MAPK10: variants seen among roughly 807,000 people sequenced by gnomAD.
MAPK10 encodes JNK3 alpha protein kinase.
In MAPK10, 25 loss-of-function variants were observed where a neutral mutation model predicts 59.3. The ratio of observed to expected loss-of-function variants is 0.42; its 90% CI spans 0.31 to 0.59. MAPK10 has a LOEUF of 0.59. MAPK10 is among the 20% of genes least tolerant of loss of function. The pLI, the probability that MAPK10 is intolerant of heterozygous loss-of-function variation, is 0.15. For missense variants in MAPK10, 351 were observed against 568.9 expected (o/e 0.62, Z 3.90); for synonymous variants, 190 against 200.5 (o/e 0.95, Z 0.44).
chr4:86,042,381 TA>T (rs1414125524), intron 11 of MAPK10, among the ~76,000 whole-genome samples: 1 of 152,216 alleles, frequency 6.6e-6, no homozygotes, highest in South Asian at 2.1e-4. Context: ...ATGCTGGGCT[TA>T]AAACCTAGAA....
chr4:86,243,082 G>T (rs2092851828), intron 2 of MAPK10, among the ~76,000 whole-genome samples: 1 of 152,140 alleles, frequency 6.6e-6, no homozygotes, highest in African/African-American at 2.4e-5. Flanking sequence ...TCCCCGTGTG[G>T]GTCTTCCTTC....
At chr4:86,459,636 C>CTAT (rs1751549620) in intron 1 of MAPK10, among the ~76,000 whole-genome samples, 1 of 152,128 alleles carries the variant, frequency 6.6e-6, no homozygotes, top group Admixed American at 6.5e-5. Flanking sequence ...AGATTGGAGA[C>CTAT]TATTATTCTA....
At chr4:86,293,830 G>C (rs2095290252) in intron 2 of MAPK10, among the ~76,000 whole-genome samples, 1 of 152,162 alleles carries the variant, frequency 6.6e-6, no homozygotes, top group African/African-American at 2.4e-5. Flanking sequence ...ACAGCACCAA[G>C]AGGATGGTGC....
chr4:86,568,913 A>C (rs1212049509), intron 1 of MAPK10, among the ~76,000 whole-genome samples: 1 of 152,020 alleles, frequency 6.6e-6, no homozygotes, highest in Non-Finnish European at 1.5e-5. Context: ...GCCTTCAAAA[A>C]AAATGCAACA....
intron 1 of MAPK10, among the ~76,000 whole-genome samples, chr4:86,527,916 CAT>C (rs1469352678): frequency 1.3e-5 from 2 of 152,074 alleles, no homozygotes; most frequent in African/African-American, 4.8e-5. Flanking sequence ...AATCAAATAC[CAT>C]ATGTTTTCAC....
chr4:86,256,910 G>A (rs553221110), intron 2 of MAPK10, among the ~76,000 whole-genome samples: 24 of 129,460 alleles, frequency 1.9e-4, no homozygotes, highest in African/African-American at 2.9e-4. Flanking sequence ...CCGCCATTGC[G>A]CCCGTCTAAT....
intron 1 of MAPK10, among the ~76,000 whole-genome samples, chr4:86,591,913 G>A (rs1237388553): frequency 1.3e-5 from 2 of 151,896 alleles, no homozygotes; most frequent in African/African-American, 4.8e-5. Context: ...GAATAATTAT[G>A]ATGTTATGTT....
intron 1 of MAPK10, among the ~76,000 whole-genome samples, chr4:86,550,492 A>C (rs900225939): frequency 6.6e-6 from 1 of 150,732 alleles, no homozygotes; most frequent in Non-Finnish European, 1.5e-5. Context: ...TGAGGTTAAG[A>C]GCTGGAGACC....
intron 2 of MAPK10, among the ~76,000 whole-genome samples, chr4:86,349,220 G>A (rs1009480798): frequency 6.6e-6 from 1 of 152,122 alleles, no homozygotes; most frequent in African/African-American, 2.4e-5. Context: ...TAAGATTATG[G>A]ACTCTCTGCC....
intron 2 of MAPK10, among the ~76,000 whole-genome samples, chr4:86,202,972 T>C (rs1265471326): frequency 6.6e-6 from 1 of 151,954 alleles, no homozygotes; most frequent in Non-Finnish European, 1.5e-5. Flanking sequence ...TTGTTTTTCC[T>C]GGTAGCATGG....
chr4:86,086,781 T>C (rs1278577772), intron 9 of MAPK10, among the ~76,000 whole-genome samples: 1 of 152,172 alleles, frequency 6.6e-6, no homozygotes, highest in Non-Finnish European at 1.5e-5. Context: ...TCATTTCTAA[T>C]AACAGAATTT....
At chr4:86,128,127 G>A (rs933285582) in intron 4 of MAPK10, among the ~76,000 whole-genome samples, 10 of 152,058 alleles carry the variant, frequency 6.6e-5, no homozygotes, top group African/African-American at 2.2e-4. Flanking sequence ...AGGCACTCTT[G>A]TTGTTCAAGT....
intron 1 of MAPK10, among the ~76,000 whole-genome samples, chr4:86,368,813 A>T (rs1578936964): frequency 6.6e-6 from 1 of 152,172 alleles, no homozygotes; most frequent in East Asian, 1.9e-4. Flanking sequence ...TAGTTCACAA[A>T]TGATAACGGG....
chr4:86,144,469 A>G (rs2064384717), intron 4 of MAPK10, among the ~76,000 whole-genome samples: 1 of 152,186 alleles, frequency 6.6e-6, no homozygotes, highest in African/African-American at 2.4e-5. Flanking sequence ...AAGAACCTCT[A>G]GAGAAAAAAT....
At chr4:86,244,257 C>T (rs2092933910) in intron 2 of MAPK10, among the ~76,000 whole-genome samples, 1 of 151,880 alleles carries the variant, frequency 6.6e-6, no homozygotes. Flanking sequence ...TACGAAAACA[C>T]TCAAAAAAAA....
At chr4:86,380,548 C>T (rs1446454329) in intron 1 of MAPK10, among the ~76,000 whole-genome samples, 1 of 152,156 alleles carries the variant, frequency 6.6e-6, no homozygotes, top group African/African-American at 2.4e-5. Context: ...TATCAGTTTT[C>T]CAATCACCAA....
intron 1 of MAPK10, among the ~76,000 whole-genome samples, chr4:86,558,935 G>A (rs1317291225): frequency 6.6e-6 from 1 of 151,990 alleles, no homozygotes; most frequent in African/African-American, 2.4e-5. Context: ...AATCTTGATG[G>A]TAATATTATT....
At chr4:86,251,037 A>G (rs1468286358) in intron 2 of MAPK10, among the ~76,000 whole-genome samples, 1 of 130,744 alleles carries the variant, frequency 7.6e-6, no homozygotes, top group East Asian at 1.9e-4. Context: ...GGAATTGTCC[A>G]TCACAAAAGA....
chr4:86,232,866 GGT>G (rs143526468), intron 2 of MAPK10, among the ~76,000 whole-genome samples: 21,890 of 151,898 alleles, frequency 0.14, 1,586 homozygotes, highest in African/African-American at 0.17. Context: ...CTTTGTTGTT[GGT>G]AATAAAACAT....
Sources: gnomAD v4.1 joint callset for allele counts (sites outside exome capture counted in the v4.1 genomes callset) on GRCh38, gnomAD v4.1.1 for gene constraint, MANE v1.5 for transcripts, NCBI Gene and HGNC (gene_info 2026-07-23, HGNC 2026-07-21) for gene names.